RBFOX1: variants seen among roughly 807,000 people sequenced by gnomAD.
The protein encoded by RBFOX1 is RNA binding protein fox-1 homolog 1.
A neutral mutation model predicts 57.7 loss-of-function variants in RBFOX1; 8 were observed. The observed-to-expected ratio is 0.14, with a 90% confidence interval of 0.08 to 0.25. The LOEUF is 0.25. RBFOX1 is among the 10% of genes least tolerant of loss of function. The pLI is 1.00. For synonymous variants in RBFOX1, 326 were observed against 222.4 expected (o/e 1.47, Z -4.15); for missense variants, 611 against 548.5 (o/e 1.11, Z -1.14).
At chr16:7,368,192 G>A (rs986448109) in intron 4 of RBFOX1, among the ~76,000 whole-genome samples, 3 of 151,430 alleles carry the variant, frequency 2.0e-5, no homozygotes, top group African/African-American at 2.4e-5. Flanking sequence ...GCTTGAACCC[G>A]GGAGGTGGAG....
At chr16:6,568,708 G>A (rs1301502145) in intron 2 of RBFOX1, among the ~76,000 whole-genome samples, 1 of 152,114 alleles carries the variant, frequency 6.6e-6, no homozygotes, top group African/African-American at 2.4e-5. Flanking sequence ...ATTTCCTAAT[G>A]TCTTCTTCCA....
chr16:7,028,101 G>A (rs1031211066), intron 3 of RBFOX1, among the ~76,000 whole-genome samples: 6 of 152,074 alleles, frequency 3.9e-5, no homozygotes, highest in Admixed American at 3.3e-4. Context: ...CTGTTACTTG[G>A]CACAGTTTGA....
At chr16:5,995,670 G>T (rs1466592692) in intron 4 of RBFOX1, among the ~76,000 whole-genome samples, 1 of 152,134 alleles carries the variant, frequency 6.6e-6, no homozygotes, top group Non-Finnish European at 1.5e-5. Context: ...TTCATTGCAA[G>T]TCCAGATTAT....
chr16:5,489,849 C>G (rs145571751), intron 2 of RBFOX1, among the ~76,000 whole-genome samples: 31 of 152,352 alleles, frequency 2.0e-4, no homozygotes, highest in African/African-American at 7.2e-4. Context: ...AACTCCCAAG[C>G]TGTCTTTTTC....
chr16:7,130,880 A>C (rs1243715620), intron 4 of RBFOX1, among the ~76,000 whole-genome samples: 1 of 152,130 alleles, frequency 6.6e-6, no homozygotes, highest in Non-Finnish European at 1.5e-5. Flanking sequence ...TCAAGAAGAG[A>C]TGATGAGGCG....
At chr16:6,440,076 A>G (rs1385093558) in intron 2 of RBFOX1, among the ~76,000 whole-genome samples, 1 of 151,674 alleles carries the variant, frequency 6.6e-6, no homozygotes, top group East Asian at 2.0e-4. Flanking sequence ...AGCTGGGACT[A>G]CAGGCATGCA....
chr16:7,095,300 G>C (rs1029182334), intron 4 of RBFOX1, among the ~76,000 whole-genome samples: 2 of 151,910 alleles, frequency 1.3e-5, no homozygotes, highest in African/African-American at 4.8e-5. Context: ...ACTGTGCCTG[G>C]TTCATTTTTG....
At chr16:5,599,265 G>C in exon 3 of RBFOX1, 1 of 667,014 alleles carries the variant, frequency 1.5e-6, no homozygotes. Context: ...CTGCAAATTG[G>C]TCCCTCTGCG....
At chr16:6,924,699 A>G (rs2075198238) in intron 3 of RBFOX1, among the ~76,000 whole-genome samples, 2 of 151,364 alleles carry the variant, frequency 1.3e-5, no homozygotes, top group Non-Finnish European at 2.9e-5. Context: ...TTATTATTAT[A>G]CTTTAAGTTT....
intron 3 of RBFOX1, among the ~76,000 whole-genome samples, chr16:6,842,755 C>T (rs755611918): frequency 1.3e-5 from 2 of 150,810 alleles, no homozygotes; most frequent in Non-Finnish European, 2.9e-5. Flanking sequence ...CTGCACCTGT[C>T]AACCCGTCAT....
intron 1 of RBFOX1, among the ~76,000 whole-genome samples, chr16:6,118,981 C>T (rs2096528145): frequency 6.6e-6 from 1 of 151,114 alleles, no homozygotes; most frequent in African/African-American, 2.4e-5. Context: ...ACCTTAGTTC[C>T]CTCCAGTCTG....
At chr16:7,608,795 C>T (rs1346084598) in intron 10 of RBFOX1, among the ~76,000 whole-genome samples, 4 of 152,100 alleles carry the variant, frequency 2.6e-5, no homozygotes, top group Non-Finnish European at 5.9e-5. Context: ...TAGCCAGCAC[C>T]GTGTAAACAT....
chr16:5,429,696 C>T (rs981652339), intron 1 of RBFOX1, among the ~76,000 whole-genome samples: 3 of 152,182 alleles, frequency 2.0e-5, no homozygotes, highest in African/African-American at 7.2e-5. Context: ...GCCATTATCC[C>T]TCCTTCAAAA....
chr16:6,468,141 T>A (rs1444832796), intron 2 of RBFOX1, among the ~76,000 whole-genome samples: 1 of 152,182 alleles, frequency 6.6e-6, no homozygotes, highest in Non-Finnish European at 1.5e-5. Context: ...TACTGTGCAA[T>A]GTGGGATAGA....
intron 2 of RBFOX1, among the ~76,000 whole-genome samples, chr16:6,564,484 A>T (rs559469957): frequency 6.6e-6 from 1 of 152,082 alleles, no homozygotes; most frequent in African/African-American, 2.4e-5. Context: ...ACAAACAAAA[A>T]TAAACAAACA....
intron 4 of RBFOX1, among the ~76,000 whole-genome samples, chr16:7,054,177 A>G (rs2051119163): frequency 8.7e-6 from 1 of 115,408 alleles, no homozygotes; most frequent in African/African-American, 3.5e-5. Context: ...CATCACCTCA[A>G]AAGAAAACTT....
chr16:7,164,028 C>A lies in RBFOX1; in HGVS notation c.27+111930C>A, dbSNP rs112252707. On this transcript the variant is annotated intron_variant, in intron 4 of 15. Coordinates refer to ENST00000550418, the MANE Select transcript of RBFOX1 (RefSeq NM_018723.4). Reference sequence around the variant, plus strand: ...AGGTGTTTGGTTACACGAATAAGTTCTTTAGTGGTGATTTCTGAGATTTTG... The same window carrying A: ...AGGTGTTTGGTTACACGAATAAGTTATTTAGTGGTGATTTCTGAGATTTTG... Among the ~76,000 whole-genome samples, 870 of 152,188 alleles carry A rather than the reference C, an allele frequency of 5.7e-3. 3 individuals are homozygous for A. The highest frequency in any genetic ancestry group is 1.0e-2 in the Non-Finnish European group (679 of 68,008).
At chr16:6,239,299 G>A (rs77007830) in intron 1 of RBFOX1, among the ~76,000 whole-genome samples, 29,916 of 151,822 alleles carry the variant, frequency 0.2, 3,937 homozygotes, top group East Asian at 0.41. Context: ...TACAGTCCTT[G>A]TTGGGGTTAT....
chr16:6,917,692 T>G (rs1025794295), intron 3 of RBFOX1, among the ~76,000 whole-genome samples: 1 of 152,336 alleles, frequency 6.6e-6, no homozygotes, highest in South Asian at 2.1e-4. Flanking sequence ...TGCTGTGTGA[T>G]GAGTAGACTC....
Sources: allele counts gnomAD v4.1 joint callset (sites outside exome capture counted in the v4.1 genomes callset), GRCh38; gene constraint gnomAD v4.1.1; transcripts MANE v1.5; gene names NCBI Gene and HGNC (gene_info 2026-07-23, HGNC 2026-07-21).